Variants in SESTD1 observed in about 807,000 individuals in gnomAD.
SESTD1 encodes SEC14 domain and spectrin repeat-containing protein 1.
In SESTD1, 43 loss-of-function variants were observed where a neutral mutation model predicts 101.7. That is an observed-to-expected ratio of 0.42 (90% CI 0.33 to 0.55). The LOEUF (loss-of-function observed/expected upper bound fraction) is 0.55. SESTD1 is among the 20% of genes least tolerant of loss of function. SESTD1 has a pLI of 0.07. For synonymous variants in SESTD1, 283 were observed against 286.8 expected, an observed-to-expected ratio of 0.99 and a Z score of 0.13; for missense variants, 647 against 815.1, an observed-to-expected ratio of 0.79 and a Z score of 2.51.
intron 1 of SESTD1, among the ~76,000 whole-genome samples, chr2:179,229,108 G>A (rs1439604782): frequency 6.6e-6 from 1 of 152,198 alleles, no homozygotes; most frequent in Non-Finnish European, 1.5e-5. Flanking sequence ...TCAAGGGTGT[G>A]ATGGTAAATT....
chr2:179,212,831 C>T lies in SESTD1; in HGVS notation c.-25-20965G>A, dbSNP rs538537193. Among the ~76,000 whole-genome samples, 33 of 134,950 alleles carry T rather than the reference C, an allele frequency of 2.4e-4. 9 individuals carry two copies. The highest frequency in any genetic ancestry group is 2.0e-3 in the South Asian group (7 of 3,544). The allele number at this position is 134,950 out of a possible 152,430, so 88.5% of individuals were successfully genotyped here. A position where few individuals can be genotyped will look rare whatever the true frequency, so the allele number is the denominator to read the frequency against. ...GCAATATTTGCTGTTCTGCAGCCTCCGCTGGTGATACCCAGGCAAACAGGG... is the reference window on the plus strand; with the variant it reads ...GCAATATTTGCTGTTCTGCAGCCTCTGCTGGTGATACCCAGGCAAACAGGG... On this transcript the variant is annotated intron_variant, in intron 1 of 17. Coordinates refer to ENST00000428443, the MANE Select transcript of SESTD1 (RefSeq NM_178123.5).
intron 1 of SESTD1, among the ~76,000 whole-genome samples, chr2:179,231,124 G>A (rs940502523): frequency 6.6e-6 from 1 of 152,028 alleles, no homozygotes; most frequent in Non-Finnish European, 1.5e-5. Context: ...TAATATGCAG[G>A]AACTCAAGGA....
chr2:179,220,311 T>A (rs979151511), intron 1 of SESTD1, among the ~76,000 whole-genome samples: 4 of 152,158 alleles, frequency 2.6e-5, no homozygotes, highest in Non-Finnish European at 4.4e-5. Context: ...TATGAAAAAA[T>A]TTTAAAAATC....
At chr2:179,135,005 C>T (rs1221999928) in intron 9 of SESTD1, among the ~76,000 whole-genome samples, 5 of 152,094 alleles carry the variant, frequency 3.3e-5, no homozygotes, top group African/African-American at 1.2e-4. Flanking sequence ...AGTGCAGTGG[C>T]ATGATCATGG....
chr2:179,124,260 G>C, intron 11 of SESTD1, 104 bp downstream of exon 11: 1 of 1,084,742 alleles, frequency 9.2e-7, no homozygotes, highest in Non-Finnish European at 1.3e-6. Flanking sequence ...CATTTTATTG[G>C]TTCAGAAAAA....
At chr2:179,183,314 T>C (rs777044846) in intron 2 of SESTD1, 126 bp from the exon 3 acceptor site, 14 of 551,476 alleles carry the variant, frequency 2.5e-5, no homozygotes, top group Non-Finnish European at 3.5e-5. Context: ...AAATATCTAA[T>C]GGCTACTTAT....
intron 9 of SESTD1, among the ~76,000 whole-genome samples, chr2:179,135,066 T>C (rs541690086): frequency 2.2e-4 from 34 of 152,180 alleles, no homozygotes; most frequent in African/African-American, 7.2e-4. Context: ...TGTCTCAGCC[T>C]CCTGAGTAGC....
In SESTD1 at chr2:179,245,755, G is replaced by A. The variant is rs571632985; in HGVS notation, c.-26+18744C>T. 1.4e-3 allele frequency among the ~76,000 whole-genome samples: 216 copies of A among 151,986 alleles called. 2 individuals carry two copies. Among genetic ancestry groups the A allele is most frequent in the Non-Finnish European group, 2.7e-3 (181 of 67,938 alleles). ...AAAGAAAACAGACAAAAGAGAAACA[G>A]GGATGAACAGAAAATAAAATGGCAG... On this transcript the variant is annotated intron_variant, in intron 1 of 17. Coordinates refer to ENST00000428443, the MANE Select transcript of SESTD1 (RefSeq NM_178123.5).
chr2:179,136,083 A>C (rs564355052), intron 9 of SESTD1, among the ~76,000 whole-genome samples: 2 of 152,318 alleles, frequency 1.3e-5, no homozygotes, highest in East Asian at 1.9e-4. Context: ...CGATATAAAG[A>C]AAGCCCTAGC....
intron 1 of SESTD1, among the ~76,000 whole-genome samples, chr2:179,234,185 CACA>C (rs1402728421): frequency 6.6e-6 from 1 of 152,154 alleles, no homozygotes; most frequent in Non-Finnish European, 1.5e-5. Context: ...TCAGCTCTTC[CACA>C]ACATCAGCTC....
chr2:179,236,870 T>G (rs1384134149), intron 1 of SESTD1, among the ~76,000 whole-genome samples: 1 of 151,726 alleles, frequency 6.6e-6, no homozygotes, highest in African/African-American at 2.4e-5. Flanking sequence ...TAGAATAATA[T>G]AAAACCATAT....
chr2:179,134,470 G>A (rs533200640), intron 9 of SESTD1, among the ~76,000 whole-genome samples: 39 of 152,186 alleles, frequency 2.6e-4, no homozygotes, highest in African/African-American at 9.2e-4. Context: ...GCTAAGTAAC[G>A]TACTGCCTCA....
chr2:179,159,759 G>A lies in SESTD1; in HGVS notation c.370-8368C>T, dbSNP rs1575451194. Among the ~76,000 whole-genome samples, 3 of 152,136 alleles carry A rather than the reference G, an allele frequency of 2.0e-5. No homozygotes were observed. In the South Asian group the frequency reaches 6.2e-4, roughly 31 times the overall value. ...CCATAGATAGCAAACCTATATGAAA[G>A]TTTAAATATAAAGCAATGCAAATCA... On this transcript the variant is annotated intron_variant, in intron 5 of 17. Transcript: ENST00000428443.
At chr2:179,112,677 T>A in intron 17 of SESTD1, 47 bp downstream of exon 17, 1 of 1,531,610 alleles carries the variant, frequency 6.5e-7, no homozygotes, top group Middle Eastern at 1.8e-4. Flanking sequence ...GATTTCACTT[T>A]AAGACCACAC....
In SESTD1 at chr2:179,107,795, C is replaced by G. The variant is rs1339748505; in HGVS notation, c.*2104G>C. 1 of 152,128 alleles carries G rather than the reference C, an allele frequency of 6.6e-6. No individual in the cohort carries two copies. The highest frequency in any genetic ancestry group is 2.4e-5 in the African/African-American group (1 of 41,414). 9.4% of individuals were successfully genotyped at this position (152,128 alleles called of 1,614,324 possible). A position where few individuals can be genotyped will look rare whatever the true frequency, so the allele number is the denominator to read the frequency against. On this transcript the variant is annotated 3_prime_UTR_variant, in exon 18 of 18. Coordinates refer to ENST00000428443, the MANE Select transcript of SESTD1 (RefSeq NM_178123.5). ...GACAAGATTCCTTCCCTCAAAAGAG[C>G]TTACTGGGTACAGACATAAACAACT...
rs1416214286 is a variant in SESTD1, at chr2:179,105,561, A to G, written c.*4338T>C. ...GAACTAAGGGGGTGGGGCGGCGAAC[A>G]TAGGCAATATGCCATTTCCTCACCA... On this transcript the variant is annotated 3_prime_UTR_variant, in exon 18 of 18. Coordinates refer to ENST00000428443, the MANE Select transcript of SESTD1 (RefSeq NM_178123.5). The G allele has an allele frequency of 6.6e-6, 1 of 152,136 alleles. No homozygotes were observed. Among genetic ancestry groups the G allele is most frequent in the Non-Finnish European group, 1.5e-5 (1 of 68,008 alleles). The allele number at this position is 152,136 out of a possible 1,614,324, so 9.4% of individuals were successfully genotyped here.
chr2:179,261,244 A>C (rs1011632256), intron 1 of SESTD1, among the ~76,000 whole-genome samples: 4 of 152,226 alleles, frequency 2.6e-5, no homozygotes, highest in African/African-American at 9.6e-5. Flanking sequence ...TGTTGCCACA[A>C]CACCTTATGG....
At chr2:179,130,600 CTG>C (rs1204107950) in intron 10 of SESTD1, among the ~76,000 whole-genome samples, 5 of 151,882 alleles carry the variant, frequency 3.3e-5, no homozygotes, top group Non-Finnish European at 7.4e-5. Flanking sequence ...CAATTTCTAA[CTG>C]TAATTATTTA....
rs1346672864 is a variant in SESTD1 at position 179,217,932 on chromosome 2, A to G, written c.-25-26066T>C. On this transcript the variant is annotated intron_variant, in intron 1 of 17. Coordinates refer to ENST00000428443, the MANE Select transcript of SESTD1 (RefSeq NM_178123.5). ...ACTCATAGGTGGAAACTGAACAACG[A>G]GAACACTTGGACACAGGGCGGGGAA... Among the ~76,000 whole-genome samples the G allele has an allele frequency of 1.3e-5, 2 of 151,776 alleles. 1 individual carries two copies. Among genetic ancestry groups the G allele is most frequent in the South Asian group, 4.2e-4 (2 of 4,810 alleles).
Sources: gnomAD v4.1 joint callset for allele counts (sites outside exome capture counted in the v4.1 genomes callset) on GRCh38, gnomAD v4.1.1 for gene constraint, MANE v1.5 for transcripts, NCBI Gene and HGNC (gene_info 2026-07-23, HGNC 2026-07-21) for gene names.